Variants in LYST observed in about 807,000 individuals in gnomAD.
LYST encodes lysosomal trafficking regulator, also known as lysosomal-trafficking regulator.
In LYST, 192 loss-of-function variants were observed where a neutral mutation model predicts 413.6. The ratio of observed to expected loss-of-function variants is 0.46; its 90% CI spans 0.41 to 0.52. LYST has a LOEUF of 0.52. Ranked by LOEUF, LYST falls within the 20% of genes least tolerant of loss-of-function variation. The pLI is 0.00. For missense variants in LYST, 3,815 were observed against 4,499.9 expected (o/e 0.85, Z 4.35); for synonymous variants, 1,525 against 1,567.3 (o/e 0.97, Z 0.64).
chr1:235,756,449 T>C (rs986163076), intron 24 of LYST, among the ~76,000 whole-genome samples: 4 of 152,196 alleles, frequency 2.6e-5, no homozygotes, highest in Non-Finnish European at 5.9e-5. Context: ...AATTCTTGAA[T>C]GTAGGGGCTT....
intron 44 of LYST, 31 bp downstream of exon 44, chr1:235,709,059 TA>T (rs1201145086): frequency 1.3e-6 from 2 of 1,578,674 alleles, no homozygotes; most frequent in Admixed American, 3.3e-5. Flanking sequence ...CTATCTTATA[TA>T]AATACAGATT....
At position 235,674,622 on chromosome 1, in the gene LYST, G is replaced by A. The variant is rs146274816; in HGVS notation, c.11038+2469C>T. Among the ~76,000 whole-genome samples the A allele has an allele frequency of 2.0e-5, 3 of 152,282 alleles. No individual in the cohort carries two copies. In the East Asian group the frequency reaches 5.8e-4, roughly 29 times the overall value. On this transcript the variant is annotated intron_variant, in intron 50 of 52. Transcript: ENST00000389793. This position sits in a 1 kb window ranked among gnomAD's most constrained non-coding sequence, Gnocchi z 4.1. The stretch of plus-strand genomic sequence containing the variant: ...ACAGTGGTTTGCTAACTATACTAGG[G>A]ATGCCATTAAAGGAATAGCTGAACA...
chr1:235,747,901 ACTAT>A (rs2103289542), intron 28 of LYST, among the ~76,000 whole-genome samples: 1 of 152,316 alleles, frequency 6.6e-6, no homozygotes, highest in East Asian at 1.9e-4. Context: ...GATATTTATC[ACTAT>A]CTAACATTAT....
In LYST at chr1:235,776,945, T is replaced by G. The variant is rs182968222; in HGVS notation, c.5460+118A>C. On this transcript the variant is annotated intron_variant, in intron 17 of 52. Transcript: ENST00000389793. ...CATTTTAATATGTAATTTTTTTATG[T>G]TAAAAGTTTAATATAGTCGAGTGTA... 4.2e-4 allele frequency: 340 copies of G among 815,506 alleles called. 1 individual carries two copies. The African/African-American group carries it at 5.0e-3, about 12-fold the overall frequency. 50.5% of individuals were successfully genotyped at this position (815,506 alleles called of 1,614,324 possible). A position where few individuals can be genotyped will look rare whatever the true frequency, so the allele number is the denominator to read the frequency against.
At chr1:235,666,319 A>T (rs1031993121) in intron 50 of LYST, among the ~76,000 whole-genome samples, 1 of 150,454 alleles carries the variant, frequency 6.6e-6, no homozygotes, top group Admixed American at 6.7e-5. Flanking sequence ...ACATGGATGA[A>T]CCCTGAAAAC....
At chr1:235,666,221 TACATACACAC>T (rs774266898) in intron 50 of LYST, among the ~76,000 whole-genome samples, 3,934 of 116,220 alleles carry the variant, frequency 0.034, 199 homozygotes, top group African/African-American at 0.12. Context: ...ATGCAGTATG[TACATACACAC>T]ACACACACAC....
Position 235,788,794 on chromosome 1 carries a change from A to G in LYST, c.4595T>C (p.Ile1532Thr). The change falls in exon 13 of 53, where the codon ATA becomes ACA. Residue 1532 changes from isoleucine (I) to threonine (T), a missense_variant. Ile to Thr is a moderately conservative substitution (Grantham distance 89). Transcript: ENST00000389793. ...AEYINPGERL[I>T]EEGCIHIISL... ...AATTATATGAATACATCCTTCTTCT[A>G]TGAGTCTTTCACCAGGATTTATGTA... The G allele has an allele frequency of 6.2e-7, 1 of 1,613,630 alleles. No homozygotes were observed. The highest frequency in any genetic ancestry group is 1.1e-5 in the South Asian group (1 of 91,078).
chr1:235,664,026 A>T lies in LYST; in HGVS notation c.11225T>A (p.Val3742Glu), dbSNP rs1399438283. The stretch of plus-strand genomic sequence containing the variant: ...TGATTTGGGAAATGTAATTTCTCTC[A>T]CAGGCTTTAAGTCCCATGTGCTCCA... ...RLWSTWDLKP[V>E]REITFPKSNK... Residue 3742 changes from valine (V) to glutamate (E), a missense_variant, in exon 52 of 53, where the codon GTG (valine) becomes GAG (glutamate). Around this residue, in one of 4 missense-constraint regions of LYST, gnomAD observed 866 missense variants for 1,156.0 expected, o/e 0.75. Coordinates refer to ENST00000389793, the MANE Select transcript of LYST (RefSeq NM_000081.4). This position sits in a 1 kb window ranked among gnomAD's most constrained non-coding sequence, Gnocchi z 4.5. The T allele has an allele frequency of 6.2e-7, 1 of 1,613,580 alleles. No individual in the cohort carries two copies. The highest frequency in any genetic ancestry group is 8.5e-7 in the Non-Finnish European group (1 of 1,179,436).
At chr1:235,870,272 C>T (rs1216030567), upstream of LYST, among the ~76,000 whole-genome samples, 2 of 152,176 alleles carry the variant, frequency 1.3e-5, no homozygotes, top group African/African-American at 4.8e-5. Flanking sequence ...TTCTGTACAT[C>T]ATGAGCTATA....
At chr1:235,838,226 CA>C (rs1676786750) in intron 1 of LYST, among the ~76,000 whole-genome samples, 1 of 152,020 alleles carries the variant, frequency 6.6e-6, no homozygotes, top group Non-Finnish European at 1.5e-5. Context: ...GTAACAGGGT[CA>C]AAAAACAGCA....
In LYST at chr1:235,715,316, G is replaced by T; in HGVS notation, c.9669C>A (p.Asp3223Glu). ...GATAGGGCTGCACGGGAGGCATGGG[G>T]TCATCTTCTCTGGCTCCTTTGCGGT... ...EEYRKGARED[D>E]PMPPVQPYHY... is the part of the protein sequence containing the mutation. Residue 3223 changes from aspartate to glutamate, a missense_variant, in exon 42 of 53, where the codon GAC becomes GAA. Around this residue, in one of 4 missense-constraint regions of LYST, gnomAD observed 866 missense variants for 1,156.0 expected, o/e 0.75. Transcript: ENST00000389793. The T allele has an allele frequency of 6.2e-7, 1 of 1,613,996 alleles. No homozygotes were observed. The highest frequency in any genetic ancestry group is 8.5e-7 in the Non-Finnish European group (1 of 1,179,912).
At chr1:235,742,847 G>A (rs1023988339) in intron 30 of LYST, among the ~76,000 whole-genome samples, 1 of 152,016 alleles carries the variant, frequency 6.6e-6, no homozygotes, top group African/African-American at 2.4e-5. Context: ...GCTTTCCACA[G>A]TCAACCATGG....
At chr1:235,723,303 TC>T (rs1373356020) in intron 39 of LYST, among the ~76,000 whole-genome samples, 6 of 152,170 alleles carry the variant, frequency 3.9e-5, no homozygotes, top group Non-Finnish European at 7.3e-5. Flanking sequence ...AGTGTGGCAT[TC>T]AGGGGAGAGG....
intron 50 of LYST, among the ~76,000 whole-genome samples, chr1:235,666,314 G>A (rs749424368): frequency 6.8e-5 from 10 of 146,576 alleles, no homozygotes; most frequent in Non-Finnish European, 1.0e-4. Context: ...CGAAAACATG[G>A]ATGAACCCTG....
At chr1:235,767,001 C>T (rs1479746793) in intron 20 of LYST, among the ~76,000 whole-genome samples, 4 of 152,168 alleles carry the variant, frequency 2.6e-5, no homozygotes, top group South Asian at 4.2e-4. Context: ...CTAGTGTAAA[C>T]CACACATAAA....
intron 1 of LYST, among the ~76,000 whole-genome samples, chr1:235,851,433 GAC>G (rs1183547422): frequency 4.6e-5 from 7 of 152,042 alleles, no homozygotes; most frequent in Middle Eastern, 3.4e-3. Flanking sequence ...GGGATTAAAA[GAC>G]TACAAATATG....
chr1:235,839,244 T>G (rs1347170771), intron 1 of LYST, among the ~76,000 whole-genome samples: 1 of 148,858 alleles, frequency 6.7e-6, no homozygotes, highest in African/African-American at 2.6e-5. Context: ...TGGGTGTATG[T>G]GTGCATATAT....
intron 45 of LYST, among the ~76,000 whole-genome samples, chr1:235,700,500 T>C (rs918283972): frequency 1.3e-4 from 20 of 152,238 alleles, no homozygotes; most frequent in African/African-American, 4.3e-4. Context: ...TCTGATTGTT[T>C]TGAACTTCAA....
chr1:235,680,755 C>T (rs1276648520), intron 48 of LYST, among the ~76,000 whole-genome samples: 7 of 152,078 alleles, frequency 4.6e-5, no homozygotes, highest in Non-Finnish European at 8.8e-5. Context: ...GCTGCCACCA[C>T]GCCCGGCTAA....
Sources: gnomAD v4.1 joint callset for allele counts (sites outside exome capture counted in the v4.1 genomes callset) on GRCh38, gnomAD v4.1.1 for gene constraint, gnomAD v4.1.1 regional missense constraint, Gnocchi (gnomAD v3.1) non-coding constraint, MANE v1.5 for transcripts, NCBI Gene and HGNC (gene_info 2026-07-23, HGNC 2026-07-21) for gene names.